The following PCDHGB5 variants were observed in gnomAD, a reference collection of about 807,000 sequenced individuals.
The protein encoded by PCDHGB5 is protocadherin gamma-B5.
In PCDHGB5, 48 loss-of-function variants were observed where a neutral mutation model predicts 62.9. The observed-to-expected ratio is 0.76, with a 90% CI of 0.61 to 0.97. PCDHGB5 has a LOEUF of 0.97. PCDHGB5 is among the 50% of genes least tolerant of loss of function. The pLI, the probability that PCDHGB5 is intolerant of heterozygous loss-of-function variation, is 0.00. For synonymous variants in PCDHGB5, 474 were observed against 511.2 expected (o/e 0.93, Z 0.98); for missense variants, 1,118 against 1,198.6 (o/e 0.93, Z 0.99).
Position 141,436,345 on chromosome 5 carries a change from G to A in PCDHGB5, c.2397+35821G>A, listed in dbSNP as rs930858667. 5.9e-4 allele frequency among the ~76,000 whole-genome samples: 90 copies of A among 152,212 alleles called. 1 individual carries two copies. Among genetic ancestry groups the A allele is most frequent in the African/African-American group, 1.7e-3 (69 of 41,540 alleles). ...GTTAGACCATATCTCAAATATCAGT[G>A]ACTTCAATCAACTATGTTTCCAGTT... On this transcript the variant is annotated intron_variant, in intron 1 of 3. Coordinates refer to ENST00000617380, the MANE Select transcript of PCDHGB5 (RefSeq NM_018925.3).
chr5:141,438,627 TATATATATACAC>T (rs1324653166), intron 1 of PCDHGB5, among the ~76,000 whole-genome samples: 191 of 47,978 alleles, frequency 4.0e-3, no homozygotes, highest in African/African-American at 0.016. Flanking sequence ...TATATATATA[TATATATATACAC>T]ACACACACAC....
In PCDHGB5 at chr5:141,432,059, A is replaced by G. The variant is rs752124614; in HGVS notation, c.2397+31535A>G. The stretch of plus-strand genomic sequence containing the variant: ...TGACCGGGGAACCCCGCCCCTATCC[A>G]CGGAAACTCATATCTCGCTGAACGT... On this transcript the variant is annotated intron_variant, in intron 1 of 3. Coordinates refer to ENST00000617380, the MANE Select transcript of PCDHGB5 (RefSeq NM_018925.3). The surrounding 1 kb of genome is among the most constrained non-coding windows in gnomAD (Gnocchi z 6.0). 17 of 1,614,052 alleles carry G rather than the reference A, an allele frequency of 1.1e-5. No individual in the cohort carries two copies. The highest frequency in any genetic ancestry group is 1.3e-5 in the African/African-American group (1 of 74,918).
chr5:141,410,976 C>G (rs750121743), intron 1 of PCDHGB5: 28 of 178,158 alleles, frequency 1.6e-4, no homozygotes, highest in Non-Finnish European at 2.6e-4. Context: ...GCCTCAGCCT[C>G]CCAAGTAGCT....
chr5:141,400,579 A>G (rs748573702), intron 1 of PCDHGB5, 55 bp downstream of exon 1: 2 of 1,610,854 alleles, frequency 1.2e-6, no homozygotes, highest in Non-Finnish European at 1.7e-6. Flanking sequence ...TTCTGTATTT[A>G]CATGAAACTA....
chr5:141,470,742 G>T (rs2099238719), intron 1 of PCDHGB5, among the ~76,000 whole-genome samples: 1 of 152,066 alleles, frequency 6.6e-6, no homozygotes, highest in African/African-American at 2.4e-5. Flanking sequence ...CTGTCGCCCT[G>T]GCTGGAGTGC....
At chr5:141,405,649 T>C (rs954605890) in intron 1 of PCDHGB5, 14 of 527,576 alleles carry the variant, frequency 2.7e-5, no homozygotes, top group Non-Finnish European at 6.7e-6. Flanking sequence ...TAATTTTTTG[T>C]GTGTTTTTAG....
At chr5:141,453,351 C>A (rs1210851703) in intron 1 of PCDHGB5, among the ~76,000 whole-genome samples, 2 of 151,738 alleles carry the variant, frequency 1.3e-5, no homozygotes, top group Non-Finnish European at 2.9e-5. Flanking sequence ...CCAGGCTGAC[C>A]CTGAACTCCT....
At chr5:141,447,370 C>A (rs2098536615) in intron 1 of PCDHGB5, among the ~76,000 whole-genome samples, 1 of 151,612 alleles carries the variant, frequency 6.6e-6, no homozygotes, top group African/African-American at 2.4e-5. Context: ...AACTCCTGAC[C>A]CTGGTGATCT....
intron 1 of PCDHGB5, 148 bp downstream of exon 1, chr5:141,400,672 A>G: frequency 1.1e-6 from 1 of 934,884 alleles, no homozygotes; most frequent in Non-Finnish European, 1.6e-6. Flanking sequence ...TAAGAGGAGC[A>G]GTAAATTGTG....
In PCDHGB5 at chr5:141,399,498, A is replaced by G. The variant is rs539360572; in HGVS notation, c.1371A>G (p.Val457=). The G allele has an allele frequency of 1.4e-5, 22 of 1,614,002 alleles. No individual in the cohort carries two copies. The African/African-American group carries it at 2.5e-4, about 19-fold the overall frequency. Residue 457 remains valine (V), a synonymous_variant, in exon 1 of 4, where the codon GTA becomes GTG. Coordinates refer to ENST00000617380, the MANE Select transcript of PCDHGB5 (RefSeq NM_018925.3). Reference sequence around the variant, plus strand: ...ACCAGGCGTCCTACTTAGTCAGTGTACCCGAAAACAACCCTCCTGGGGCCT... The same window carrying G: ...ACCAGGCGTCCTACTTAGTCAGTGTGCCCGAAAACAACCCTCCTGGGGCCT... ...VFHQASYLVS[V]PENNPPGASI... is the part of the protein sequence containing the mutation.
chr5:141,477,697 T>G lies in PCDHGB5; in HGVS notation c.2398-17110T>G, dbSNP rs745625196. ...TGTCATCCTTAGTGCCCCTAGACTA[T>G]GAGGATCGGCGGGAATTTGAATTAA... On this transcript the variant is annotated intron_variant, in intron 1 of 3. Coordinates refer to ENST00000617380, the MANE Select transcript of PCDHGB5 (RefSeq NM_018925.3). The surrounding 1 kb of genome is among the most constrained non-coding windows in gnomAD (Gnocchi z 4.9). 6.2e-7 allele frequency: 1 copy of G among 1,614,160 alleles called. No homozygotes were observed. Among genetic ancestry groups the G allele is most frequent in the South Asian group, 1.1e-5 (1 of 91,090 alleles).
At position 141,489,063 on chromosome 5, in the gene PCDHGB5, C is replaced by A; in HGVS notation, c.2398-5744C>A. ...CTCCACTCAAATTCAGCTCCCCTCC[C>A]CCCTGCCCACCCCCGCCACTCGGTG... On this transcript the variant is annotated intron_variant, in intron 1 of 3. Coordinates refer to ENST00000617380, the MANE Select transcript of PCDHGB5 (RefSeq NM_018925.3). This position sits in a 1 kb window ranked among gnomAD's most constrained non-coding sequence, Gnocchi z 4.5. 2.6e-6 allele frequency: 1 copy of A among 384,986 alleles called. No individual in the cohort carries two copies. Among genetic ancestry groups the A allele is most frequent in the East Asian group, 4.5e-5 (1 of 22,374 alleles). 23.8% of individuals were successfully genotyped at this position (384,986 alleles called of 1,614,324 possible). A position where few individuals can be genotyped will look rare whatever the true frequency, so the allele number is the denominator to read the frequency against.
chr5:141,400,167 C>A lies in PCDHGB5; in HGVS notation c.2040C>A (p.Pro680=). ...CTGACCGCCCTGTACCCTCTGACCC[C>A]CAGGCTGAGCTGCAGTTTTACCTAG... ...DITDRPVPSD[P]QAELQFYLVV... Residue 680 remains proline, a synonymous_variant, in exon 1 of 4, where the codon CCC becomes CCA. Coordinates refer to ENST00000617380, the MANE Select transcript of PCDHGB5 (RefSeq NM_018925.3). 1 of 1,614,082 alleles carries A rather than the reference C, an allele frequency of 6.2e-7. No homozygotes were observed. The highest frequency in any genetic ancestry group is 8.5e-7 in the Non-Finnish European group (1 of 1,179,908).
Position 141,487,071 on chromosome 5 carries a change from C to A in PCDHGB5, c.2398-7736C>A. On this transcript the variant is annotated intron_variant, in intron 1 of 3. Coordinates refer to ENST00000617380, the MANE Select transcript of PCDHGB5 (RefSeq NM_018925.3). The surrounding 1 kb of genome is among the most constrained non-coding windows in gnomAD (Gnocchi z 5.0). ...GCTGGGGAGGTGCGGACGGCTGTTC[C>A]TATCCCAGCTGACCTCCCACCACAG... is the stretch of plus-strand genomic sequence containing the variant. The A allele has an allele frequency of 6.2e-7, 1 of 1,614,148 alleles. No individual in the cohort carries two copies. Among genetic ancestry groups the A allele is most frequent in the Non-Finnish European group, 8.5e-7 (1 of 1,180,002 alleles).
intron 1 of PCDHGB5, among the ~76,000 whole-genome samples, chr5:141,464,964 A>G (rs1433148254): frequency 6.6e-6 from 1 of 152,030 alleles, no homozygotes; most frequent in Non-Finnish European, 1.5e-5. Flanking sequence ...CTTGTCTTGA[A>G]CTACTGGCTT....
At position 141,409,547 on chromosome 5, in the gene PCDHGB5, G is replaced by T. The variant is rs760802690; in HGVS notation, c.2397+9023G>T. Reference sequence around the variant, plus strand: ...GTATGTCGCTGACATCAACGACAACGCCCCAGTTTTCGACCAGACGTCCTA... The same window carrying T: ...GTATGTCGCTGACATCAACGACAACTCCCCAGTTTTCGACCAGACGTCCTA... On this transcript the variant is annotated intron_variant, in intron 1 of 3. Coordinates refer to ENST00000617380, the MANE Select transcript of PCDHGB5 (RefSeq NM_018925.3). The T allele has an allele frequency of 2.4e-5, 39 of 1,613,818 alleles. No individual in the cohort carries two copies. The highest frequency in any genetic ancestry group is 3.1e-5 in the Non-Finnish European group (36 of 1,179,900).
intron 1 of PCDHGB5, chr5:141,409,339 T>G: frequency 6.2e-7 from 1 of 1,613,954 alleles, no homozygotes; most frequent in South Asian, 1.1e-5. Context: ...TCGGAGGAAA[T>G]GGAGAAGTCA....
rs771744120 is a variant in PCDHGB5 at position 141,485,876 on chromosome 5, G to A, written c.2398-8931G>A. ...AGAGCTCCGGGTATCCGTGCTGGAC[G>A]TAAACGACAACGCCCCAGCCTTCCA... On this transcript the variant is annotated intron_variant, in intron 1 of 3. Transcript: ENST00000617380. This position sits in a 1 kb window ranked among gnomAD's most constrained non-coding sequence, Gnocchi z 5.7. 1 of 1,614,174 alleles carries A rather than the reference G, an allele frequency of 6.2e-7. No homozygotes were observed. Among genetic ancestry groups the A allele is most frequent in the Non-Finnish European group, 8.5e-7 (1 of 1,180,030 alleles).
At chr5:141,417,680 A>G (rs1236124418) in intron 1 of PCDHGB5, 21 of 1,016,072 alleles carry the variant, frequency 2.1e-5, no homozygotes, top group Non-Finnish European at 2.9e-5. Context: ...AGCCAACAAC[A>G]GAAAAGAAAA....
Sources: allele counts gnomAD v4.1 joint callset (sites outside exome capture counted in the v4.1 genomes callset), GRCh38; gene constraint gnomAD v4.1.1; non-coding constraint Gnocchi (gnomAD v3.1); transcripts MANE v1.5; gene names NCBI Gene and HGNC (gene_info 2026-07-23, HGNC 2026-07-21).